Variants in TBC1D12 observed in about 807,000 individuals in gnomAD.
The protein encoded by TBC1D12 is TBC1 domain family, member 12.
A neutral mutation model predicts 86.7 loss-of-function variants in TBC1D12; 56 were observed. That is an observed-to-expected ratio of 0.65 (90% CI 0.52 to 0.81). The LOEUF (loss-of-function observed/expected upper bound fraction) is 0.81, where lower values mean the gene tolerates loss of function less well. Ranked by LOEUF, TBC1D12 falls within the 30% of genes least tolerant of loss-of-function variation. TBC1D12 has a pLI of 0.00. For synonymous variants in TBC1D12, 421 were observed against 411.7 expected (o/e 1.02, Z -0.27); for missense variants, 1,023 against 1,038.8 (o/e 0.98, Z 0.21).
intron 2 of TBC1D12, chr10:94,447,498 C>A: frequency 2.3e-6 from 1 of 444,064 alleles, no homozygotes; most frequent in Non-Finnish European, 3.0e-6. Context: ...TCCATGTTAA[C>A]AGTAAAGAAA....
At chr10:94,525,659 CA>C (rs11432778) in intron 11 of TBC1D12, among the ~76,000 whole-genome samples, 91 of 61,294 alleles carry the variant, frequency 1.5e-3, no homozygotes, top group Middle Eastern at 7.2e-3. Context: ...GACTCCGTCT[CA>C]AAAAAAAAAA....
At chr10:94,511,062 TTTG>T (rs886728087) in intron 8 of TBC1D12, among the ~76,000 whole-genome samples, 1 of 151,930 alleles carries the variant, frequency 6.6e-6, no homozygotes, top group Non-Finnish European at 1.5e-5. Flanking sequence ...TATTTGGCTT[TTTG>T]TTGTTGTTGT....
chr10:94,420,296 G>A (rs78425650), intron 1 of TBC1D12, among the ~76,000 whole-genome samples: 2 of 152,048 alleles, frequency 1.3e-5, no homozygotes, highest in Admixed American at 1.3e-4. Flanking sequence ...CTGGGACCTT[G>A]ATCTTAGACT....
chr10:94,421,391 C>T (rs1375604338), intron 1 of TBC1D12, among the ~76,000 whole-genome samples: 1 of 152,200 alleles, frequency 6.6e-6, no homozygotes, highest in Non-Finnish European at 1.5e-5. Context: ...TATATTCCAT[C>T]GTGTACATAT....
At chr10:94,505,273 G>T (rs1422081166) in intron 6 of TBC1D12, among the ~76,000 whole-genome samples, 1 of 152,238 alleles carries the variant, frequency 6.6e-6, no homozygotes. Context: ...CACTGATGGA[G>T]CCAGGCATAA....
chr10:94,506,542 A>G (rs2056462628), intron 6 of TBC1D12, among the ~76,000 whole-genome samples: 1 of 152,204 alleles, frequency 6.6e-6, no homozygotes, highest in Non-Finnish European at 1.5e-5. Context: ...GTTAGTTACA[A>G]AATAAAGACC....
In TBC1D12 at chr10:94,403,039, G is replaced by T; in HGVS notation, c.426G>T (p.Pro142=). The change falls in exon 1 of 13, where the codon CCG becomes CCT. Residue 142 remains proline (P), a synonymous_variant. Transcript: ENST00000225235. ...CCAACGGCGACTCGGGTTTTCTGCC[G>T]GGCCGGGACTGTCGCGATCTGGAAG... The part of the protein sequence containing the change: ...GMTNGDSGFL[P]GRDCRDLEEA... 6.4e-7 allele frequency: 1 copy of T among 1,565,090 alleles called. No individual in the cohort carries two copies. Among genetic ancestry groups the T allele is most frequent in the Non-Finnish European group, 8.6e-7 (1 of 1,160,222 alleles).
At chr10:94,454,752 G>C (rs1230205069) in intron 2 of TBC1D12, among the ~76,000 whole-genome samples, 1 of 152,158 alleles carries the variant, frequency 6.6e-6, no homozygotes, top group East Asian at 1.9e-4. Context: ...TAAACTTGCT[G>C]TTATTGCTTA....
intron 2 of TBC1D12, among the ~76,000 whole-genome samples, chr10:94,444,925 G>A (rs1476485045): frequency 2.0e-5 from 3 of 150,040 alleles, no homozygotes; most frequent in South Asian, 4.2e-4. Flanking sequence ...GTAGAGACGG[G>A]GTTTCACCGT....
At chr10:94,502,990 T>G (rs535444441) in intron 6 of TBC1D12, among the ~76,000 whole-genome samples, 5 of 152,302 alleles carry the variant, frequency 3.3e-5, no homozygotes, top group Non-Finnish European at 5.9e-5. Flanking sequence ...TGCATCTACA[T>G]ATGATCAATT....
intron 2 of TBC1D12, among the ~76,000 whole-genome samples, chr10:94,465,778 A>ACATACATACATATACG (rs1441783811): frequency 2.2e-5 from 3 of 137,830 alleles, no homozygotes; most frequent in Non-Finnish European, 4.8e-5. Flanking sequence ...GTATACGCAT[A>ACATACATACATATACG]CATACATACA....
At position 94,536,122 on chromosome 10, in the gene TBC1D12, A is replaced by G. The variant is rs1842534533; in HGVS notation, c.*3026A>G. On this transcript the variant is annotated 3_prime_UTR_variant, in exon 13 of 13. Transcript: ENST00000225235. ...TACTGTATCTTCTCTTGAGCCCAGTATGTAGGAAATATGTGATAATTCACA... is the reference window on the plus strand; with the variant it reads ...TACTGTATCTTCTCTTGAGCCCAGTGTGTAGGAAATATGTGATAATTCACA... 6.6e-6 allele frequency among the ~76,000 whole-genome samples: 1 copy of G among 152,120 alleles called. No homozygotes were observed.
chr10:94,410,929 A>G (rs1043832321), intron 1 of TBC1D12, among the ~76,000 whole-genome samples: 3 of 152,242 alleles, frequency 2.0e-5, no homozygotes, highest in South Asian at 4.1e-4. Context: ...ATTATAATAC[A>G]CAATTCTGTT....
At chr10:94,404,041 G>A (rs692872) in intron 1 of TBC1D12, among the ~76,000 whole-genome samples, 68,996 of 152,004 alleles carry the variant, frequency 0.45, 15,986 homozygotes, top group East Asian at 0.79. Context: ...GTGAAAGAGA[G>A]AAGGAAGTCA....
chr10:94,494,544 A>G (rs1004739633), intron 4 of TBC1D12, among the ~76,000 whole-genome samples: 9 of 152,074 alleles, frequency 5.9e-5, no homozygotes, highest in Non-Finnish European at 1.3e-4. Flanking sequence ...TCTATTTATT[A>G]CTTATTTTTA....
intron 2 of TBC1D12, among the ~76,000 whole-genome samples, chr10:94,442,932 A>G (rs1423741754): frequency 6.6e-6 from 1 of 152,140 alleles, no homozygotes; most frequent in African/African-American, 2.4e-5. Flanking sequence ...TAAAAACATT[A>G]TTGTAGTTAA....
At chr10:94,439,183 CA>C (rs1316903634) in intron 1 of TBC1D12, among the ~76,000 whole-genome samples, 5 of 152,140 alleles carry the variant, frequency 3.3e-5, no homozygotes, top group Non-Finnish European at 5.9e-5. Context: ...ATTTTGCATC[CA>C]TGATGTCTTT....
At chr10:94,424,384 T>C (rs2055120109) in intron 1 of TBC1D12, among the ~76,000 whole-genome samples, 1 of 152,206 alleles carries the variant, frequency 6.6e-6, no homozygotes, top group African/African-American at 2.4e-5. Flanking sequence ...ATTTTCTGCT[T>C]ATACTTGGTA....
intron 9 of TBC1D12, among the ~76,000 whole-genome samples, chr10:94,513,685 T>C (rs73327500): frequency 0.026 from 4,017 of 152,118 alleles, 176 homozygotes; most frequent in African/African-American, 0.089. Flanking sequence ...CATCTCAGCC[T>C]CCCAGGTAGC....
Sources: gnomAD v4.1 joint callset for allele counts (sites outside exome capture counted in the v4.1 genomes callset) on GRCh38, gnomAD v4.1.1 for gene constraint, MANE v1.5 for transcripts, NCBI Gene and HGNC (gene_info 2026-07-23, HGNC 2026-07-21) for gene names.